BMP1: variants seen among roughly 807,000 people sequenced by gnomAD.
BMP1 encodes bone morphogenetic protein 1, also known as mammalian tolloid protein.
Under a neutral mutation model 116.8 loss-of-function variants are expected in BMP1, and 63 were observed. The ratio of observed to expected loss-of-function variants is 0.54; its 90% CI spans 0.44 to 0.67. The LOEUF (loss-of-function observed/expected upper bound fraction) is 0.67, where lower values mean the gene tolerates loss of function less well. Ranked by LOEUF, BMP1 falls within the 30% of genes least tolerant of loss-of-function variation. The pLI, the probability that BMP1 is intolerant of heterozygous loss-of-function variation, is 0.00. For synonymous variants in BMP1, 536 were observed against 533.4 expected, an observed-to-expected ratio of 1.00 and a Z score of -0.07; for missense variants, 1,183 against 1,358.9, an observed-to-expected ratio of 0.87 and a Z score of 2.04.
Position 22,194,264 on chromosome 8 carries a change from T to C in BMP1, c.1297+90T>C. ...CCCTCCTGGCACCTGAGGGGCAAGATTGTGGGTTCCCAAGGGAAGAAGCAG... is the reference window on the plus strand; with the variant it reads ...CCCTCCTGGCACCTGAGGGGCAAGACTGTGGGTTCCCAAGGGAAGAAGCAG... On this transcript the variant is annotated intron_variant, in intron 10 of 19. Coordinates refer to ENST00000306385, the MANE Select transcript of BMP1 (RefSeq NM_006129.5). The surrounding 1 kb of genome is among the most constrained non-coding windows in gnomAD (Gnocchi z 4.5). The C allele has an allele frequency of 6.7e-7, 1 of 1,487,880 alleles. No individual in the cohort carries two copies. Among genetic ancestry groups the C allele is most frequent in the Admixed American group, 1.7e-5 (1 of 58,838 alleles). 92.2% of individuals were successfully genotyped at this position (1,487,880 alleles called of 1,614,324 possible).
Position 22,180,504 on chromosome 8 carries a change from T to A in BMP1, c.1077+21T>A. 2 of 1,605,188 alleles carry A rather than the reference T, an allele frequency of 1.2e-6. 1 individual carries two copies. The highest frequency in any genetic ancestry group is 2.2e-5 in the South Asian group (2 of 90,868). Reference sequence around the variant, plus strand: ...AGAAGGTACGTGTGGGCTCAGCCTCTGAGCCTCCCCCTCCCCTGCGGGTCC... The same window carrying A: ...AGAAGGTACGTGTGGGCTCAGCCTCAGAGCCTCCCCCTCCCCTGCGGGTCC... On this transcript the variant is annotated intron_variant, in intron 8 of 19. Transcript: ENST00000306385.
At chr8:22,203,972 GATTCACCT>G in intron 16 of BMP1, among the ~76,000 whole-genome samples, 1 of 152,262 alleles carries the variant, frequency 6.6e-6, no homozygotes. Context: ...TCCATCTGCT[GATTCACCT>G]TAGAAGCATG....
rs1829273818 is a variant in BMP1, at chr8:22,201,926, A to G, written c.2231A>G (p.Glu744Gly). The part of the protein sequence containing the change: ...VLHDNKHDCK[E>G]AGCDHKVTST... Reference sequence around the variant, plus strand: ...CATGACAACAAGCACGACTGCAAAGAAGGTACGGGCTGCATGCCAGGGGCA... The same window carrying G: ...CATGACAACAAGCACGACTGCAAAGGAGGTACGGGCTGCATGCCAGGGGCA... The change falls in exon 16 of 20, where the codon GAA (glutamate) becomes GGA (glycine). Residue 744 changes from glutamate (E) to glycine (G), a missense_variant and splice_region_variant. By Grantham distance (98) the Glu-to-Gly change is moderately conservative. Around this residue, in one of 4 missense-constraint regions of BMP1, gnomAD observed 956 missense variants for 1,135.2 expected, o/e 0.84. Coordinates refer to ENST00000306385, the MANE Select transcript of BMP1 (RefSeq NM_006129.5). 1.2e-6 allele frequency: 2 copies of G among 1,612,144 alleles called. No individual in the cohort carries two copies. Among genetic ancestry groups the G allele is most frequent in the Non-Finnish European group, 1.7e-6 (2 of 1,179,102 alleles).
Position 22,197,394 on chromosome 8 carries a change from AG to A in BMP1, c.2084del (p.Gly695AlafsTer57). The A allele has an allele frequency of 6.2e-7, 1 of 1,610,602 alleles. No individual in the cohort carries two copies. Among genetic ancestry groups the A allele is most frequent in the Non-Finnish European group, 8.5e-7 (1 of 1,177,106 alleles). On this transcript the variant is annotated frameshift_variant, in exon 15 of 20. Coordinates refer to ENST00000306385, the MANE Select transcript of BMP1 (RefSeq NM_006129.5). LOFTEE classifies it high-confidence loss of function. ...EFKSDNTVSK[K>X]GFKAHFFSDK... ...AAGTCCGACAACACCGTGTCCAAAA[AG>A]GGCTTCAAGGCCCACTTCTTCTCAG...
intron 13 of BMP1, 185 bp from the exon 14 acceptor site, chr8:22,196,495 C>A: frequency 1.3e-6 from 1 of 757,490 alleles, no homozygotes; most frequent in Non-Finnish European, 2.2e-6. Context: ...TACAGGCCCA[C>A]CCCTGAGGAC....
At chr8:22,209,965 T>A (rs981628981) in intron 19 of BMP1, among the ~76,000 whole-genome samples, 1 of 152,282 alleles carries the variant, frequency 6.6e-6, no homozygotes, top group African/African-American at 2.4e-5. Flanking sequence ...TCAGAACCAG[T>A]TGGCCACGGC....
chr8:22,189,433 TACAC>T (rs10672713), intron 8 of BMP1, among the ~76,000 whole-genome samples: 3 of 141,374 alleles, frequency 2.1e-5, no homozygotes, highest in East Asian at 2.0e-4. Flanking sequence ...TTGATGGAGA[TACAC>T]ACACACACAC....
intron 5 of BMP1, chr8:22,177,450 C>T: frequency 1.5e-6 from 1 of 686,630 alleles, no homozygotes; most frequent in South Asian, 1.5e-5. Context: ...ACTGCTCAGG[C>T]CTTTCTCCCC....
At chr8:22,178,613 C>T (rs988509338) in intron 6 of BMP1, among the ~76,000 whole-genome samples, 27 of 152,070 alleles carry the variant, frequency 1.8e-4, no homozygotes, top group African/African-American at 6.3e-4. Context: ...TTGTAATTGG[C>T]CAGTTTGCAC....
intron 19 of BMP1, among the ~76,000 whole-genome samples, 188 bp from the exon 20 acceptor site, chr8:22,211,406 C>T (rs1829459765): frequency 1.3e-5 from 2 of 152,156 alleles, no homozygotes; most frequent in Admixed American, 1.3e-4. Context: ...TAGTTCTCTT[C>T]GGCCCACGCC....
chr8:22,173,646 G>T lies in BMP1; in HGVS notation c.193G>T (p.Ala65Ser). 6.2e-7 allele frequency: 1 copy of T among 1,613,738 alleles called. No homozygotes were observed. The highest frequency in any genetic ancestry group is 8.5e-7 in the Non-Finnish European group (1 of 1,179,788). ...DIALDEEDLRAFQVQQAVDLR... is the reference protein window; with the variant it reads ...DIALDEEDLRSFQVQQAVDLR... ...TGCCCTGGACGAAGAGGACCTGAGG[G>T]CCTTCCAGGTACAGCAGGCTGTGGA... The change falls in exon 2 of 20, where the codon GCC (alanine) becomes TCC (serine). Residue 65 changes from alanine (A) to serine (S), a missense_variant. This residue lies in a region of BMP1 where 185 missense variants were observed against 158.9 expected (regional missense o/e 1.16). Coordinates refer to ENST00000306385, the MANE Select transcript of BMP1 (RefSeq NM_006129.5).
Position 22,197,392 on chromosome 8 carries a change from A to G in BMP1, c.2079A>G (p.Lys693=). The change falls in exon 15 of 20, where the codon AAA becomes AAG. Residue 693 remains lysine, a synonymous_variant. Transcript: ENST00000306385. ...VEFKSDNTVS[K]KGFKAHFFSD... ...TCAAGTCCGACAACACCGTGTCCAA[A>G]AAGGGCTTCAAGGCCCACTTCTTCT... 6.2e-7 allele frequency: 1 copy of G among 1,611,712 alleles called. No individual in the cohort carries two copies. Among genetic ancestry groups the G allele is most frequent in the Non-Finnish European group, 8.5e-7 (1 of 1,178,004 alleles).
At chr8:22,192,178 C>A in intron 9 of BMP1, 27 bp downstream of exon 9, 4 of 1,585,396 alleles carry the variant, frequency 2.5e-6, no homozygotes, top group Non-Finnish European at 3.5e-6. Flanking sequence ...CCCCCTGCCC[C>A]CTCCATGCTG....
At chr8:22,198,275 C>G (rs1397251559) in intron 15 of BMP1, 1 of 152,270 alleles carries the variant, frequency 6.6e-6, no homozygotes, top group Non-Finnish European at 1.5e-5. Flanking sequence ...TTAGCACATG[C>G]TGATTGACAG....
chr8:22,184,919 T>C (rs1586449603), intron 8 of BMP1, among the ~76,000 whole-genome samples: 1 of 152,226 alleles, frequency 6.6e-6, no homozygotes, highest in East Asian at 1.9e-4. Flanking sequence ...TGTGGGGAAG[T>C]TGTTTTTCAT....
intron 8 of BMP1, among the ~76,000 whole-genome samples, chr8:22,190,714 G>A (rs985460966): frequency 5.9e-5 from 9 of 152,162 alleles, no homozygotes; most frequent in Admixed American, 1.3e-4. Context: ...GCTCCTCCCC[G>A]ACTAGCATTG....
chr8:22,205,371 G>A (rs924831448), intron 16 of BMP1, among the ~76,000 whole-genome samples: 11 of 152,148 alleles, frequency 7.2e-5, no homozygotes, highest in Non-Finnish European at 1.5e-4. Flanking sequence ...GCAGGGCCAC[G>A]CAGGGTGCAG....
intron 8 of BMP1, among the ~76,000 whole-genome samples, chr8:22,182,227 T>C (rs1404877632): frequency 6.6e-6 from 1 of 152,228 alleles, no homozygotes; most frequent in Non-Finnish European, 1.5e-5. Context: ...AATTTCACCA[T>C]CCATCAGGTA....
At chr8:22,189,322 C>T (rs532740184) in intron 8 of BMP1, among the ~76,000 whole-genome samples, 5 of 151,910 alleles carry the variant, frequency 3.3e-5, no homozygotes, top group South Asian at 2.1e-4. Context: ...GAATTGTGGT[C>T]GCCGTTCCAT....
Sources: allele counts gnomAD v4.1 joint callset (sites outside exome capture counted in the v4.1 genomes callset), GRCh38; gene constraint gnomAD v4.1.1; regional missense constraint gnomAD v4.1.1; non-coding constraint Gnocchi (gnomAD v3.1); transcripts MANE v1.5; gene names NCBI Gene and HGNC (gene_info 2026-07-23, HGNC 2026-07-21).